Variants in FMR1 observed in about 807,000 individuals in gnomAD.
FMR1 encodes fragile X messenger ribonucleoprotein 1.
In FMR1, 13 loss-of-function variants were observed where a neutral mutation model predicts 50.6. The observed-to-expected ratio is 0.26, with a 90% CI of 0.17 to 0.41. The LOEUF (loss-of-function observed/expected upper bound fraction) is 0.41, where lower values mean the gene tolerates loss of function less well. FMR1 is among the 10% of genes least tolerant of loss of function. The pLI is 1.00. For synonymous variants in FMR1, 138 were observed against 164.1 expected, an observed-to-expected ratio of 0.84 and a Z score of 1.22; for missense variants, 316 against 491.3, an observed-to-expected ratio of 0.64 and a Z score of 3.37.
chrX:147,913,405 C>G (rs1429516509), intron 1 of FMR1: 4 of 111,965 alleles, frequency 3.6e-5, no homozygotes, highest in African/African-American at 1.3e-4. Context: ...TCAATAATAT[C>G]CCACCTTACT....
chrX:147,941,266 T>C (rs1314315087), intron 13 of FMR1, among the ~76,000 whole-genome samples: 2 of 111,846 alleles, frequency 1.8e-5, no homozygotes, highest in Non-Finnish European at 3.8e-5. Context: ...AATTTACTTA[T>C]AAGACTTCAG....
At chrX:147,941,406 T>G (rs2043998633) in intron 13 of FMR1, among the ~76,000 whole-genome samples, 1 of 112,810 alleles carries the variant, frequency 8.9e-6, no homozygotes, top group Non-Finnish European at 1.9e-5. Context: ...TCATAATGTT[T>G]TATTTGTATC....
At chrX:147,944,472 C>G in intron 14 of FMR1, 1 of 753,634 alleles carries the variant, frequency 1.3e-6, no homozygotes, top group Non-Finnish European at 1.6e-6. Context: ...CCAAATCTTG[C>G]TAAAAGGAGC....
In FMR1 at chrX:147,948,684, TCAGAGTTGACTG is replaced by T. The variant is rs781893791; in HGVS notation, c.1742_1753del (p.Arg581_Cys584del). On this transcript the variant is annotated inframe_deletion and splice_region_variant, in exon 17 of 17. Transcript: ENST00000370475. ...TATAACAACTATAACTTGTTTTAGA[TCAGAGTTGACTG>T]CAATAATGAAAGGAGTGTCCACACT... 15 of 1,210,268 alleles carry T rather than the reference TCAGAGTTGACTG, an allele frequency of 1.2e-5. No individual in the cohort carries two copies. In the South Asian group the frequency reaches 2.3e-4, roughly 18 times the overall value.
At chrX:147,921,474 T>G (rs4824257) in intron 1 of FMR1, among the ~76,000 whole-genome samples, 12,949 of 109,746 alleles carry the variant, frequency 0.12, 674 homozygotes, top group Non-Finnish European at 0.15. Flanking sequence ...TATATATATA[T>G]ATAGATAGAT....
At chrX:147,944,442 A>T (rs782564832) in intron 14 of FMR1, 1 of 751,123 alleles carries the variant, frequency 1.3e-6, no homozygotes, top group Admixed American at 8.9e-5. Flanking sequence ...CAAAATATAT[A>T]CATTCCCCTC....
chrX:147,924,674 AT>A (rs35111332), intron 2 of FMR1, among the ~76,000 whole-genome samples: 2,804 of 95,738 alleles, frequency 0.029, 80 homozygotes, highest in African/African-American at 0.077. Flanking sequence ...ACTGCACCTA[AT>A]TTTTTTTTTT....
chrX:147,921,548 G>A (rs2043170012), intron 1 of FMR1, among the ~76,000 whole-genome samples: 1 of 111,164 alleles, frequency 9.0e-6, no homozygotes, highest in African/African-American at 3.3e-5. Flanking sequence ...AGGAGAGAAA[G>A]GTAGGTTACA....
intron 5 of FMR1, 97 bp downstream of exon 5, chrX:147,928,904 A>T: frequency 1.1e-6 from 1 of 944,024 alleles, no homozygotes; most frequent in East Asian, 3.2e-5. Context: ...ACTACTAGAA[A>T]TTGATTTTAA....
chrX:147,947,005 T>G (rs1040931509), intron 16 of FMR1: 2 of 112,621 alleles, frequency 1.8e-5, no homozygotes, highest in African/African-American at 6.5e-5. Context: ...ACTGATATGT[T>G]TGATGAACTT....
rs1411216690 is a variant in FMR1 at position 147,945,594 on chromosome X, GAAC to G, written c.1720_1722del (p.Thr574del). On this transcript the variant is annotated inframe_deletion, in exon 16 of 17. Coordinates refer to ENST00000370475, the MANE Select transcript of FMR1 (RefSeq NM_002024.6). ...CGTAATCCAAGAGAGGCTAAAGGAA[GAAC>G]AACAGATGGATCCCTTCAGGTAAAA... 8 of 1,202,749 alleles carry G rather than the reference GAAC, an allele frequency of 6.7e-6. No homozygotes were observed. In the African/African-American group the frequency reaches 1.2e-4, roughly 18 times the overall value.
intron 1 of FMR1, among the ~76,000 whole-genome samples, chrX:147,914,792 T>A (rs1204404015): frequency 8.9e-6 from 1 of 112,282 alleles, no homozygotes; most frequent in Non-Finnish European, 1.9e-5. Context: ...ATAAAATCTT[T>A]ACAAAGTATT....
At chrX:147,916,859 T>C (rs2042895898) in intron 1 of FMR1, among the ~76,000 whole-genome samples, 1 of 111,727 alleles carries the variant, frequency 9.0e-6, no homozygotes, top group African/African-American at 3.3e-5. Flanking sequence ...TGCTTCAGCC[T>C]TCCGGGTAGC....
intron 16 of FMR1, 114 bp from the exon 17 acceptor site, chrX:147,948,569 C>T: frequency 8.6e-7 from 1 of 1,168,530 alleles, no homozygotes; most frequent in East Asian, 3.1e-5. Context: ...TTCTCATCTC[C>T]ATTTCTCTTT....
chrX:147,948,647 A>G (rs538974964), intron 16 of FMR1, 36 bp from the exon 17 acceptor site: 2 of 1,210,030 alleles, frequency 1.7e-6, no homozygotes, highest in Admixed American at 4.4e-5. Flanking sequence ...ACAGTAGGAT[A>G]TGGTCTGTGT....
intron 1 of FMR1, chrX:147,913,608 A>C (rs1181090611): frequency 8.9e-6 from 1 of 112,363 alleles, no homozygotes; most frequent in Non-Finnish European, 1.9e-5. Flanking sequence ...GGAGATCAGT[A>C]TATTTCATAA....
chrX:147,948,419 A>T (rs1557182543), intron 16 of FMR1: 2 of 983,525 alleles, frequency 2.0e-6, no homozygotes, highest in Non-Finnish European at 2.6e-6. Context: ...TTAGAAGAAG[A>T]CATGATAGGA....
At chrX:147,948,011 C>T (rs1444082056) in intron 16 of FMR1, among the ~76,000 whole-genome samples, 2 of 111,937 alleles carry the variant, frequency 1.8e-5, no homozygotes, top group Non-Finnish European at 3.8e-5. Context: ...TCCTAGGATT[C>T]CAGTCCTTCC....
At chrX:147,914,864 GT>G (rs1413318311) in intron 1 of FMR1, among the ~76,000 whole-genome samples, 2 of 111,752 alleles carry the variant, frequency 1.8e-5, no homozygotes, top group Non-Finnish European at 3.8e-5. Context: ...CACATAATTT[GT>G]TTTCTTTGGA....
Sources: allele counts gnomAD v4.1 joint callset (sites outside exome capture counted in the v4.1 genomes callset), GRCh38; gene constraint gnomAD v4.1.1; transcripts MANE v1.5; gene names NCBI Gene and HGNC (gene_info 2026-07-23, HGNC 2026-07-21).